EPHA3: variants seen among roughly 807,000 people sequenced by gnomAD.
EPHA3 encodes ephrin type-A receptor 3.
A neutral mutation model predicts 107.1 loss-of-function variants in EPHA3; 42 were observed. The ratio of observed to expected loss-of-function variants is 0.39; its 90% CI spans 0.31 to 0.51. The LOEUF is 0.51. EPHA3 is among the 20% of genes least tolerant of loss of function. The probability of loss-of-function intolerance (pLI) is 0.78; values close to 1 mark genes in which losing one functional copy is unlikely to be tolerated. For synonymous variants in EPHA3, 461 were observed against 424.8 expected, an observed-to-expected ratio of 1.09 and a Z score of -1.05; for missense variants, 1,183 against 1,211.2, an observed-to-expected ratio of 0.98 and a Z score of 0.35.
intron 3 of EPHA3, among the ~76,000 whole-genome samples, chr3:89,219,739 C>T (rs1383619032): frequency 1.1e-4 from 4 of 36,428 alleles, no homozygotes; most frequent in African/African-American, 2.1e-4. Flanking sequence ...GACGGAGTCT[C>T]GCTCTGTCGC....
intron 2 of EPHA3, among the ~76,000 whole-genome samples, chr3:89,144,686 A>G (rs755451672): frequency 7.9e-5 from 12 of 151,672 alleles, no homozygotes; most frequent in Non-Finnish European, 1.6e-4. Flanking sequence ...TTTTGCTTAA[A>G]TGGAGTGCTG....
chr3:89,312,742 C>G (rs983408321), intron 3 of EPHA3, among the ~76,000 whole-genome samples: 1 of 151,866 alleles, frequency 6.6e-6, no homozygotes, highest in African/African-American at 2.4e-5. Flanking sequence ...TCCCACCTAC[C>G]ATGCTCCAGA....
At chr3:89,159,416 A>G (rs527805163) in intron 2 of EPHA3, among the ~76,000 whole-genome samples, 20 of 152,210 alleles carry the variant, frequency 1.3e-4, no homozygotes, top group Admixed American at 8.5e-4. Flanking sequence ...CACAGCAAGC[A>G]CCACCAAAAT....
At chr3:89,122,258 C>T (rs1707408159) in intron 1 of EPHA3, among the ~76,000 whole-genome samples, 1 of 152,122 alleles carries the variant, frequency 6.6e-6, no homozygotes, top group African/African-American at 2.4e-5. Context: ...ACTGTCATTA[C>T]TCTTTAGTGA....
intron 3 of EPHA3, among the ~76,000 whole-genome samples, chr3:89,331,133 C>G (rs539627035): frequency 2.0e-5 from 3 of 152,072 alleles, no homozygotes; most frequent in African/African-American, 7.2e-5. Flanking sequence ...TATTTACATA[C>G]GTTACATGTA....
chr3:89,149,884 C>A (rs1168526532), intron 2 of EPHA3, among the ~76,000 whole-genome samples: 2 of 151,804 alleles, frequency 1.3e-5, no homozygotes, highest in Admixed American at 6.6e-5. Context: ...AAGTTTAGGT[C>A]AAATATTCTG....
At chr3:89,378,550 G>A (rs1431882223) in intron 5 of EPHA3, among the ~76,000 whole-genome samples, 5 of 152,126 alleles carry the variant, frequency 3.3e-5, no homozygotes, top group Admixed American at 6.5e-5. Context: ...TGGAAATAAT[G>A]TTTAGAATCT....
chr3:89,159,516 A>G (rs915815337), intron 2 of EPHA3, among the ~76,000 whole-genome samples: 1 of 152,150 alleles, frequency 6.6e-6, no homozygotes, highest in Non-Finnish European at 1.5e-5. Flanking sequence ...TTGAAGTCAG[A>G]TGGCATTGCC....
intron 5 of EPHA3, among the ~76,000 whole-genome samples, chr3:89,360,286 C>T (rs992815076): frequency 1.3e-5 from 2 of 150,704 alleles, no homozygotes; most frequent in Non-Finnish European, 3.0e-5. Context: ...ATGTTACTTG[C>T]CAAAAATTTA....
chr3:89,181,833 T>G (rs1046245718), intron 2 of EPHA3, among the ~76,000 whole-genome samples: 2 of 151,996 alleles, frequency 1.3e-5, no homozygotes, highest in Admixed American at 6.6e-5. Flanking sequence ...GCATGCTAAT[T>G]GAGTGAAAGT....
chr3:89,205,114 A>C (rs73849203), intron 2 of EPHA3, among the ~76,000 whole-genome samples: 2,071 of 152,246 alleles, frequency 0.014, 45 homozygotes, highest in African/African-American at 0.046. Flanking sequence ...TTGCAATCTT[A>C]ATATTTTCCA....
intron 2 of EPHA3, among the ~76,000 whole-genome samples, chr3:89,138,935 C>A (rs970407594): frequency 6.6e-6 from 1 of 151,538 alleles, no homozygotes; most frequent in Non-Finnish European, 1.5e-5. Flanking sequence ...ACTCAGTGAA[C>A]ATGAAAATTA....
chr3:89,202,323 C>T (rs1361955765), intron 2 of EPHA3, among the ~76,000 whole-genome samples: 5 of 151,212 alleles, frequency 3.3e-5, no homozygotes, highest in Admixed American at 6.6e-5. Flanking sequence ...GGCAAAACAC[C>T]GTCTCTACTG....
At chr3:89,288,959 C>G (rs1171036330) in intron 3 of EPHA3, among the ~76,000 whole-genome samples, 1 of 152,120 alleles carries the variant, frequency 6.6e-6, no homozygotes, top group Non-Finnish European at 1.5e-5. Flanking sequence ...TTTATGTATA[C>G]ATTAAATATA....
intron 3 of EPHA3, among the ~76,000 whole-genome samples, chr3:89,302,233 A>C (rs1421584151): frequency 3.3e-5 from 5 of 152,086 alleles, no homozygotes; most frequent in African/African-American, 4.8e-5. Flanking sequence ...AATCATATTC[A>C]TATTGTATCA....
chr3:89,371,813 A>G (rs1337748504), intron 5 of EPHA3, among the ~76,000 whole-genome samples: 3 of 151,652 alleles, frequency 2.0e-5, no homozygotes, highest in South Asian at 2.1e-4. Context: ...AATTTATTAT[A>G]TGGAAATCTT....
intron 2 of EPHA3, among the ~76,000 whole-genome samples, chr3:89,168,910 G>C (rs1286751783): frequency 6.6e-6 from 1 of 152,010 alleles, no homozygotes; most frequent in African/African-American, 2.4e-5. Context: ...TTATAGAAAA[G>C]TCTCAGAGAG....
intron 13 of EPHA3, among the ~76,000 whole-genome samples, chr3:89,448,163 A>T: frequency 6.6e-6 from 1 of 152,094 alleles, no homozygotes; most frequent in Non-Finnish European, 1.5e-5. Context: ...CTTTCTACTC[A>T]GGGTAAGTTC....
intron 1 of EPHA3, among the ~76,000 whole-genome samples, chr3:89,113,780 AC>A (rs1707182406): frequency 1.3e-5 from 2 of 151,800 alleles, no homozygotes; most frequent in Admixed American, 1.3e-4. Context: ...AAGTTTACAC[AC>A]TTTTGATTTT....
Sources: allele counts gnomAD v4.1 joint callset (sites outside exome capture counted in the v4.1 genomes callset), GRCh38; gene constraint gnomAD v4.1.1; transcripts MANE v1.5; gene names NCBI Gene and HGNC (gene_info 2026-07-23, HGNC 2026-07-21).